Variants in OR2L13 observed in about 807,000 individuals in gnomAD.
OR2L13 encodes the protein olfactory receptor family 2 subfamily L member 13, also known as olfactory receptor 2L13.
A neutral mutation model predicts 15.3 loss-of-function variants in OR2L13; 14 were observed. The ratio of observed to expected loss-of-function variants is 0.91; its 90% CI spans 0.60 to 1.43. The LOEUF (loss-of-function observed/expected upper bound fraction) is 1.43, where lower values mean the gene tolerates loss of function less well. Ranked by LOEUF, OR2L13 falls within the 40% of genes most tolerant of loss-of-function variation. The probability of loss-of-function intolerance (pLI) is 0.00; values close to 1 mark genes in which losing one functional copy is unlikely to be tolerated. For synonymous variants in OR2L13, 152 were observed against 142.9 expected (o/e 1.06, Z -0.45); for missense variants, 367 against 387.9 (o/e 0.95, Z 0.45).
At chr1:248,017,559 A>AC in the OR2L13 span, among the ~76,000 whole-genome samples, 1 of 152,334 alleles carries the variant, frequency 6.6e-6, no homozygotes, top group South Asian at 2.1e-4. Flanking sequence ...GGGAAGCAGG[A>AC]CAGGCTTCTG....
At chr1:247,963,582 T>A in the OR2L13 span, among the ~76,000 whole-genome samples, 10 of 152,216 alleles carry the variant, frequency 6.6e-5, no homozygotes, top group Admixed American at 1.3e-4. Flanking sequence ...AGATTTCAGA[T>A]TTTTAGTATA....
At chr1:248,025,574 T>G in the OR2L13 span, among the ~76,000 whole-genome samples, 1 of 148,910 alleles carries the variant, frequency 6.7e-6, no homozygotes, top group Non-Finnish European at 1.5e-5. Flanking sequence ...AGAAATACCA[T>G]TTGACCCAGC....
At chr1:248,024,032 ATTAAT>A in the OR2L13 span, 1 of 152,060 alleles carries the variant, frequency 6.6e-6, no homozygotes. Context: ...TTTATTTGTT[ATTAAT>A]TTTATTTGTT....
At chr1:248,015,794 T>G in the OR2L13 span, among the ~76,000 whole-genome samples, 2 of 152,312 alleles carry the variant, frequency 1.3e-5, no homozygotes, top group East Asian at 3.9e-4. Context: ...ATTCACACAT[T>G]TTCTGTGCCT....
the OR2L13 span, among the ~76,000 whole-genome samples, chr1:248,060,122 T>C: frequency 6.6e-6 from 1 of 152,170 alleles, no homozygotes; most frequent in African/African-American, 2.4e-5. Context: ...TAAATCTAAA[T>C]GTATGCATTT....
At chr1:248,048,680 C>A in the OR2L13 span, among the ~76,000 whole-genome samples, 1 of 152,104 alleles carries the variant, frequency 6.6e-6, no homozygotes, top group Non-Finnish European at 1.5e-5. Flanking sequence ...CCTGTTCCAC[C>A]ATTTCCCAGC....
At chr1:248,021,133 G>T in the OR2L13 span, among the ~76,000 whole-genome samples, 4 of 151,942 alleles carry the variant, frequency 2.6e-5, no homozygotes, top group Non-Finnish European at 5.9e-5. Flanking sequence ...ATATGATCTT[G>T]ATTACATCTG....
chr1:247,999,991 A>C, the OR2L13 span, among the ~76,000 whole-genome samples: 1 of 152,128 alleles, frequency 6.6e-6, no homozygotes, highest in Non-Finnish European at 1.5e-5. Context: ...AGATTCTGGA[A>C]AATCCCATAA....
chr1:247,978,908 C>T, the OR2L13 span, among the ~76,000 whole-genome samples: 2 of 152,050 alleles, frequency 1.3e-5, no homozygotes, highest in African/African-American at 4.8e-5. Flanking sequence ...TCCTGAGATC[C>T]AGACTGCAGG....
At chr1:248,046,885 T>A in the OR2L13 span, 10 of 152,326 alleles carry the variant, frequency 6.6e-5, no homozygotes, top group African/African-American at 2.4e-4. Flanking sequence ...ATAAAGGTAC[T>A]AATTATAATT....
chr1:247,976,480 G>C, the OR2L13 span, among the ~76,000 whole-genome samples: 2 of 152,106 alleles, frequency 1.3e-5, no homozygotes, highest in Non-Finnish European at 2.9e-5. Context: ...TTGAAAATTT[G>C]CTAAGAGAAT....
chr1:247,963,591 T>C, the OR2L13 span, among the ~76,000 whole-genome samples: 1 of 152,216 alleles, frequency 6.6e-6, no homozygotes, highest in African/African-American at 2.4e-5. Context: ...ATTTTTAGTA[T>C]AATCGAGATA....
the OR2L13 span, among the ~76,000 whole-genome samples, chr1:248,002,414 T>C: frequency 6.6e-6 from 1 of 152,224 alleles, no homozygotes; most frequent in Non-Finnish European, 1.5e-5. Context: ...AGCATACCAC[T>C]TTCCCTCTCT....
At chr1:248,042,498 A>C in the OR2L13 span, among the ~76,000 whole-genome samples, 1 of 152,160 alleles carries the variant, frequency 6.6e-6, no homozygotes, top group African/African-American at 2.4e-5. Context: ...TAAAACTTAA[A>C]GTACAATAAT....
the OR2L13 span, among the ~76,000 whole-genome samples, chr1:248,086,999 T>C: frequency 6.6e-6 from 1 of 152,102 alleles, no homozygotes. Flanking sequence ...AGCTGGTAGG[T>C]AAACTGATTA....
the OR2L13 span, among the ~76,000 whole-genome samples, chr1:247,993,801 G>GAGAGAGAA: frequency 1.5e-5 from 2 of 136,064 alleles, no homozygotes; most frequent in African/African-American, 7.3e-5. Flanking sequence ...GAGAGAGAGA[G>GAGAGAGAA]AGAGAGAGAG....
chr1:248,045,841 GT>G, the OR2L13 span: 3 of 152,136 alleles, frequency 2.0e-5, no homozygotes, highest in East Asian at 5.8e-4. Context: ...CTAGTTACAG[GT>G]TTCTTGGTTC....
chr1:248,034,590 CCTTCCAGTCTATAAATACAGAATGTA>C, the OR2L13 span, among the ~76,000 whole-genome samples: 1 of 152,222 alleles, frequency 6.6e-6, no homozygotes, highest in East Asian at 1.9e-4. Flanking sequence ...CAGTGTTAAG[CCTTCCAGTCTATAAATACAGAATGTA>C]TTTCCATTTA....
At chr1:248,022,504 T>C in the OR2L13 span, 3 of 1,614,190 alleles carry the variant, frequency 1.9e-6, no homozygotes, top group South Asian at 3.3e-5. Flanking sequence ...ATGTTGACAT[T>C]AGCCTGTACA....
Sources: gnomAD v4.1 joint callset for allele counts (sites outside exome capture counted in the v4.1 genomes callset) on GRCh38, gnomAD v4.1.1 for gene constraint, MANE v1.5 for transcripts, NCBI Gene and HGNC (gene_info 2026-07-23, HGNC 2026-07-21) for gene names.